HDAC4: variants seen among roughly 807,000 people sequenced by gnomAD.
HDAC4 encodes histone deacetylase A.
In HDAC4, 16 loss-of-function variants were observed where a neutral mutation model predicts 135.1. That is an observed-to-expected ratio of 0.12 (90% confidence interval 0.08 to 0.18). The LOEUF (loss-of-function observed/expected upper bound fraction) is 0.18. HDAC4 is among the 10% of genes least tolerant of loss of function. The pLI is 1.00. For missense variants in HDAC4, 1,143 were observed against 1,511.8 expected, an observed-to-expected ratio of 0.76 and a Z score of 4.05; for synonymous variants, 685 against 653.4, an observed-to-expected ratio of 1.05 and a Z score of -0.74.
In HDAC4 at chr2:239,139,197, A is replaced by G. The variant is rs1434848041; in HGVS notation, c.978+487T>C. On this transcript the variant is annotated intron_variant, in intron 9 of 26. Coordinates refer to ENST00000543185, the MANE Select transcript of HDAC4 (RefSeq NM_001378414.1). This position sits in a 1 kb window ranked among gnomAD's most constrained non-coding sequence, Gnocchi z 5.3. ...GGGTGACGCTCCAGTCGGCCCTGAC[A>G]CATAGTTTGTTGGCCGACATCGTGT... 6.6e-6 allele frequency among the ~76,000 whole-genome samples: 1 copy of G among 152,096 alleles called. No individual in the cohort carries two copies. The highest frequency in any genetic ancestry group is 1.5e-5 in the Non-Finnish European group (1 of 67,978).
intron 24 of HDAC4, among the ~76,000 whole-genome samples, chr2:239,060,268 C>T (rs916073482): frequency 7.2e-5 from 11 of 152,206 alleles, no homozygotes; most frequent in African/African-American, 2.7e-4. Flanking sequence ...AGTAGTAAAT[C>T]TGCTGCACAG....
At chr2:239,127,715 T>A (rs560029834) in intron 11 of HDAC4, among the ~76,000 whole-genome samples, 94 of 152,222 alleles carry the variant, frequency 6.2e-4, no homozygotes, top group Non-Finnish European at 1.1e-3. Context: ...GAACTCGGCA[T>A]CCGCCTGAGG....
chr2:239,379,744 G>A (rs571904511), intron 1 of HDAC4, among the ~76,000 whole-genome samples: 19 of 152,320 alleles, frequency 1.2e-4, no homozygotes, highest in South Asian at 2.1e-4. Context: ...GCCCCCCATC[G>A]GCTGCCGGGG....
intron 2 of HDAC4, among the ~76,000 whole-genome samples, chr2:239,255,838 C>G (rs1291107352): frequency 6.6e-6 from 1 of 152,194 alleles, no homozygotes; most frequent in East Asian, 1.9e-4. Context: ...GTGCTGCACT[C>G]AACATCACAC....
At chr2:239,356,292 C>G (rs1438887215) in intron 1 of HDAC4, among the ~76,000 whole-genome samples, 1 of 152,176 alleles carries the variant, frequency 6.6e-6, no homozygotes, top group Admixed American at 6.5e-5. Flanking sequence ...GAACTGGAGA[C>G]AGCCAAGCCC....
intron 2 of HDAC4, among the ~76,000 whole-genome samples, chr2:239,246,476 C>T (rs1438313472): frequency 1.3e-5 from 2 of 152,218 alleles, no homozygotes; most frequent in East Asian, 3.9e-4. Context: ...TGCCACAGGT[C>T]CTGGCACCGA....
At chr2:239,204,396 C>G (rs760445475) in intron 3 of HDAC4, among the ~76,000 whole-genome samples, 1 of 152,218 alleles carries the variant, frequency 6.6e-6, no homozygotes, top group Non-Finnish European at 1.5e-5. Context: ...GGGAAGGTGT[C>G]TGTACTGCGG....
intron 1 of HDAC4, among the ~76,000 whole-genome samples, chr2:239,395,945 T>C (rs1696529462): frequency 6.6e-6 from 1 of 152,168 alleles, no homozygotes; most frequent in South Asian, 2.1e-4. Flanking sequence ...AATTCGGTAA[T>C]CACTATTTTA....
At position 239,108,200 on chromosome 2, in the gene HDAC4, G is replaced by C. The variant is rs750259703; in HGVS notation, c.1979-17C>G. 1.3e-6 allele frequency: 2 copies of C among 1,589,936 alleles called. No homozygotes were observed. Among genetic ancestry groups the C allele is most frequent in the Non-Finnish European group, 1.7e-6 (2 of 1,169,702 alleles). On this transcript the variant is annotated splice_polypyrimidine_tract_variant and intron_variant, in intron 14 of 26. Coordinates refer to ENST00000543185, the MANE Select transcript of HDAC4 (RefSeq NM_001378414.1). ...ACACGAGGCCTGGGGCGGGGCAGAG[G>C]GGCCAAGATCAGCGCACATCCAGGG... is the stretch of plus-strand genomic sequence containing the variant.
At chr2:239,261,062 C>T (rs1482312303) in intron 2 of HDAC4, among the ~76,000 whole-genome samples, 2 of 152,178 alleles carry the variant, frequency 1.3e-5, no homozygotes, top group Non-Finnish European at 2.9e-5. Flanking sequence ...TTCAGGTGGA[C>T]GTTCTGGATG....
intron 1 of HDAC4, among the ~76,000 whole-genome samples, chr2:239,358,737 T>C (rs1693675254): frequency 6.6e-6 from 1 of 152,248 alleles, no homozygotes; most frequent in Non-Finnish European, 1.5e-5. Context: ...TAAATATCTT[T>C]CTAACAGTGG....
chr2:239,391,197 C>T (rs937989999), intron 1 of HDAC4, among the ~76,000 whole-genome samples: 1 of 152,220 alleles, frequency 6.6e-6, no homozygotes, highest in Non-Finnish European at 1.5e-5. Flanking sequence ...AGGTCCCTAA[C>T]AAGCGCAGCA....
intron 2 of HDAC4, among the ~76,000 whole-genome samples, chr2:239,304,435 A>AT (rs1194552287): frequency 5.9e-5 from 9 of 152,324 alleles, no homozygotes; most frequent in Admixed American, 5.9e-4. Context: ...GAAAAAGCAG[A>AT]TTAACAGCTC....
intron 2 of HDAC4, among the ~76,000 whole-genome samples, chr2:239,267,605 C>G (rs2049815230): frequency 6.6e-6 from 1 of 152,280 alleles, no homozygotes; most frequent in South Asian, 2.1e-4. Context: ...CTCCGTGACA[C>G]TTCCTCACCA....
intron 7 of HDAC4, among the ~76,000 whole-genome samples, chr2:239,150,380 CACAA>C (rs1026594253): frequency 2.6e-5 from 4 of 151,616 alleles, no homozygotes; most frequent in Admixed American, 6.6e-5. Flanking sequence ...AACACAGATA[CACAA>C]ACACAGAAAC....
intron 24 of HDAC4, among the ~76,000 whole-genome samples, chr2:239,064,430 C>T (rs1011846188): frequency 3.9e-4 from 60 of 152,064 alleles, no homozygotes; most frequent in Non-Finnish European, 8.8e-4. Flanking sequence ...TGGCTGGAGG[C>T]GGGACCTGCA....
intron 4 of HDAC4, among the ~76,000 whole-genome samples, chr2:239,177,644 C>G (rs989527913): frequency 1.3e-5 from 2 of 152,036 alleles, no homozygotes; most frequent in South Asian, 2.1e-4. Context: ...AAACTGACGT[C>G]GACATAAAAT....
At chr2:239,094,151 G>A (rs915683068) in intron 17 of HDAC4, 11 of 985,430 alleles carry the variant, frequency 1.1e-5, no homozygotes, top group Non-Finnish European at 1.2e-5. Context: ...GCCTGTAACC[G>A]TCTGTGGTGA....
intron 16 of HDAC4, among the ~76,000 whole-genome samples, chr2:239,099,072 G>A (rs1168389659): frequency 6.6e-6 from 1 of 152,218 alleles, no homozygotes; most frequent in African/African-American, 2.4e-5. Flanking sequence ...AAACAAGAAA[G>A]GGGTCTTCCT....
Sources: gnomAD v4.1 joint callset for allele counts (sites outside exome capture counted in the v4.1 genomes callset) on GRCh38, gnomAD v4.1.1 for gene constraint, Gnocchi (gnomAD v3.1) non-coding constraint, MANE v1.5 for transcripts, NCBI Gene and HGNC (gene_info 2026-07-23, HGNC 2026-07-21) for gene names.